The following HTR4 variants were observed in gnomAD, a reference collection of about 807,000 sequenced individuals.
HTR4 encodes the protein 5-hydroxytryptamine receptor 4.
A neutral mutation model predicts 36.8 loss-of-function variants in HTR4; 16 were observed. The observed-to-expected ratio is 0.43, with a 90% CI of 0.29 to 0.66. HTR4 has a LOEUF of 0.66. HTR4 is among the 30% of genes least tolerant of loss of function. The pLI, the probability that HTR4 is intolerant of heterozygous loss-of-function variation, is 0.13. For missense variants in HTR4, 438 were observed against 490.9 expected (o/e 0.89, Z 1.02); for synonymous variants, 189 against 185.1 (o/e 1.02, Z -0.17).
At chr5:148,644,326 T>C (rs1753811933) in intron 1 of HTR4, among the ~76,000 whole-genome samples, 1 of 150,468 alleles carries the variant, frequency 6.6e-6, no homozygotes, top group South Asian at 2.1e-4. Flanking sequence ...TTATGTTGAC[T>C]AAAAGGATTC....
At chr5:148,597,226 T>C (rs1455777646) in intron 2 of HTR4, among the ~76,000 whole-genome samples, 1 of 152,198 alleles carries the variant, frequency 6.6e-6, no homozygotes, top group Non-Finnish European at 1.5e-5. Context: ...ATTGCATACA[T>C]CTCTGACTAC....
intron 1 of HTR4, among the ~76,000 whole-genome samples, chr5:148,637,846 T>A (rs1285269662): frequency 6.6e-6 from 1 of 152,180 alleles, no homozygotes. Flanking sequence ...AATCAGTAAG[T>A]GTAGGGGCAG....
At chr5:148,502,707 G>A (rs988401915) in intron 6 of HTR4, among the ~76,000 whole-genome samples, 1 of 152,288 alleles carries the variant, frequency 6.6e-6, no homozygotes, top group African/African-American at 2.4e-5. Context: ...AGCTAAAGGA[G>A]AAGTTTAAAC....
intron 5 of HTR4, among the ~76,000 whole-genome samples, chr5:148,463,232 G>T (rs1229138665): frequency 2.2e-5 from 3 of 136,624 alleles, no homozygotes; most frequent in Non-Finnish European, 3.0e-5. Context: ...GAGTGCAGTG[G>T]TACAATCTTG....
At chr5:148,465,932 G>A in intron 5 of HTR4, 1 of 1,612,438 alleles carries the variant, frequency 6.2e-7, no homozygotes, top group Non-Finnish European at 8.5e-7. Context: ...GCCACTTTTA[G>A]TTGAAACAGA....
At chr5:148,616,882 A>G (rs1436349235) in intron 2 of HTR4, among the ~76,000 whole-genome samples, 2 of 152,182 alleles carry the variant, frequency 1.3e-5, no homozygotes, top group Non-Finnish European at 2.9e-5. Flanking sequence ...AAGTATTTTA[A>G]TGAAACTTGG....
chr5:148,458,559 C>T (rs570894724), intron 5 of HTR4, among the ~76,000 whole-genome samples: 1 of 151,924 alleles, frequency 6.6e-6, no homozygotes, highest in African/African-American at 2.4e-5. Flanking sequence ...GATGAGATCT[C>T]GGTTAGTGTG....
intron 4 of HTR4, among the ~76,000 whole-genome samples, chr5:148,536,451 A>T (rs1045616765): frequency 2.0e-5 from 3 of 146,704 alleles, no homozygotes; most frequent in African/African-American, 5.0e-5. Flanking sequence ...AAGCTGGATT[A>T]AAAAAAAAAA....
intron 5 of HTR4, among the ~76,000 whole-genome samples, chr5:148,459,493 C>T (rs967424262): frequency 1.3e-5 from 2 of 152,112 alleles, no homozygotes; most frequent in African/African-American, 4.8e-5. Flanking sequence ...CCAACTCCAG[C>T]CCCCTTAAGC....
intron 3 of HTR4, among the ~76,000 whole-genome samples, chr5:148,549,397 GCAT>G (rs1759566233): frequency 6.6e-6 from 1 of 152,152 alleles, no homozygotes; most frequent in Non-Finnish European, 1.5e-5. Flanking sequence ...CACTTTATTT[GCAT>G]CATCATTAGA....
Position 148,636,528 on chromosome 5 carries a change from C to T in HTR4, c.26+461G>A, listed in dbSNP as rs536769162. 9.2e-5 allele frequency among the ~76,000 whole-genome samples: 14 copies of T among 152,218 alleles called. 1 individual carries two copies. In the East Asian group the frequency reaches 2.5e-3, roughly 27 times the overall value. On this transcript the variant is annotated intron_variant, in intron 2 of 6. Transcript: ENST00000377888. ...AAAACAAATCAAAACGAAACAAAAA[C>T]CATTTAGCTTTATGTAACTATACCA...
At chr5:148,520,887 T>C in intron 5 of HTR4, 1 of 1,367,706 alleles carries the variant, frequency 7.3e-7, no homozygotes. Flanking sequence ...CCGGCATTTC[T>C]TTCAGAATCC....
intron 5 of HTR4, among the ~76,000 whole-genome samples, chr5:148,460,648 A>G (rs1006721125): frequency 6.6e-6 from 1 of 152,122 alleles, no homozygotes; most frequent in Admixed American, 6.5e-5. Context: ...ATCTTCACAG[A>G]CATTATTTAG....
At chr5:148,544,043 A>G (rs1017380519) in intron 4 of HTR4, among the ~76,000 whole-genome samples, 11 of 152,136 alleles carry the variant, frequency 7.2e-5, no homozygotes, top group East Asian at 1.9e-4. Flanking sequence ...ATGGACTTGC[A>G]TTTGAGAAGG....
Position 148,654,512 on chromosome 5 carries a change from G to C in HTR4, c.-498C>G, listed in dbSNP as rs760869780. 9.5e-5 allele frequency: 94 copies of C among 984,998 alleles called. No individual in the cohort carries two copies. Among genetic ancestry groups the C allele is most frequent in the Non-Finnish European group, 1.1e-4 (92 of 829,608 alleles). 61.0% of individuals were successfully genotyped at this position (984,998 alleles called of 1,614,324 possible). A position where few individuals can be genotyped will look rare whatever the true frequency, so the allele number is the denominator to read the frequency against. On this transcript the variant is annotated 5_prime_UTR_variant, in exon 1 of 7. Transcript: ENST00000377888. Reference sequence around the variant, plus strand: ...TGGCCAGCACGCGCCCTCCCTGGCCGGAGCGCTGCTCATCTGATGGAGGGC... The same window carrying C: ...TGGCCAGCACGCGCCCTCCCTGGCCCGAGCGCTGCTCATCTGATGGAGGGC...
chr5:148,476,187 C>A (rs1340456105), downstream of HTR4, among the ~76,000 whole-genome samples: 3 of 152,210 alleles, frequency 2.0e-5, no homozygotes, highest in African/African-American at 7.2e-5. Flanking sequence ...ACATCTCTGG[C>A]TCAGTTCATG....
intron 6 of HTR4, among the ~76,000 whole-genome samples, chr5:148,494,261 C>T (rs1199526982): frequency 6.6e-6 from 1 of 152,170 alleles, no homozygotes; most frequent in Non-Finnish European, 1.5e-5. Context: ...GCAATTTCTG[C>T]ACCATGGGGA....
At chr5:148,462,019 C>CA (rs1755290992) in intron 5 of HTR4, 1 of 151,502 alleles carries the variant, frequency 6.6e-6, no homozygotes, top group Admixed American at 6.6e-5. Flanking sequence ...ACATATGGAT[C>CA]AAAAAAGAAA....
chr5:148,618,142 G>A (rs1163441362), intron 2 of HTR4, among the ~76,000 whole-genome samples: 1 of 152,108 alleles, frequency 6.6e-6, no homozygotes, highest in Non-Finnish European at 1.5e-5. Context: ...GTACCCTTCT[G>A]AACCAATCAC....
Sources: allele counts gnomAD v4.1 joint callset (sites outside exome capture counted in the v4.1 genomes callset), GRCh38; gene constraint gnomAD v4.1.1; transcripts MANE v1.5; gene names NCBI Gene and HGNC (gene_info 2026-07-23, HGNC 2026-07-21).